ZNF658: variants seen among roughly 807,000 people sequenced by gnomAD.
The protein encoded by ZNF658 is zinc finger protein 658.
Under a neutral mutation model 78.0 loss-of-function variants are expected in ZNF658, and 46 were observed. That is an observed-to-expected ratio of 0.59 (90% CI 0.47 to 0.75). The LOEUF is 0.75. Among genes scored for constraint, ZNF658 ranks in the 30% least tolerant of loss-of-function variants. The pLI, the probability that ZNF658 is intolerant of heterozygous loss-of-function variation, is 0.00. For missense variants in ZNF658, 785 were observed against 1,189.3 expected (o/e 0.66, Z 5.00); for synonymous variants, 279 against 408.4 (o/e 0.68, Z 3.82).
downstream of ZNF658, among the ~76,000 whole-genome samples, chr9:66,923,823 G>A (rs1252216235): frequency 4.9e-5 from 7 of 143,194 alleles, no homozygotes; most frequent in Non-Finnish European, 1.1e-4. Flanking sequence ...TTTCCCACAA[G>A]AGACAGCTTT....
Position 66,918,997 on chromosome 9 carries a change from C to T in ZNF658, c.1431C>T (p.Tyr477=). ...PCDNNGCGRS[Y]KSPLIGHQKT... ...ATAACAATGGCTGTGGGAGATCTTA[C>T]AAGTCACCCCTCATAGGACACCAGA... Residue 477 remains tyrosine, a synonymous_variant, in exon 5 of 5, where the codon TAC becomes TAT. Coordinates refer to ENST00000621410, the MANE Select transcript of ZNF658 (RefSeq NM_033160.7). The T allele has an allele frequency of 2.6e-6, 3 of 1,143,586 alleles. No homozygotes were observed. The highest frequency in any genetic ancestry group is 3.7e-6 in the Non-Finnish European group (3 of 802,420). The allele number at this position is 1,143,586 out of a possible 1,614,324, so 70.8% of individuals were successfully genotyped here. A position where few individuals can be genotyped will look rare whatever the true frequency, so the allele number is the denominator to read the frequency against.
chr9:66,909,967 C>T (rs1490050889), intron 4 of ZNF658, among the ~76,000 whole-genome samples: 1 of 152,140 alleles, frequency 6.6e-6, no homozygotes, highest in Admixed American at 6.5e-5. Flanking sequence ...CACTTTCTTG[C>T]TGTGTGTTCA....
Position 66,919,492 on chromosome 9 carries a change from T to A in ZNF658, c.1926T>A (p.Ile642=). Residue 642 remains isoleucine (I), a synonymous_variant, in exon 5 of 5, where the codon ATT becomes ATA. Transcript: ENST00000621410. ...CNECGRSFAH[I]SVLKAHQRIH... is the part of the protein sequence containing the mutation. ...AATGTGGAAGGTCTTTTGCCCATAT[T>A]TCTGTTCTCAAGGCACATCAAAGAA... 1 of 1,597,052 alleles carries A rather than the reference T, an allele frequency of 6.3e-7. No homozygotes were observed. The highest frequency in any genetic ancestry group is 8.5e-7 in the Non-Finnish European group (1 of 1,172,618).
chr9:66,908,803 G>GT lies in ZNF658; in HGVS notation c.238+76dup, dbSNP rs201519046. The GT allele has an allele frequency of 1.8e-3, 2,229 of 1,236,564 alleles. 43 individuals are homozygous for GT. In the African/African-American group the frequency reaches 0.03, roughly 17 times the overall value. 76.6% of individuals were successfully genotyped at this position (1,236,564 alleles called of 1,614,324 possible). A position where few individuals can be genotyped will look rare whatever the true frequency, so the allele number is the denominator to read the frequency against. On this transcript the variant is annotated intron_variant, in intron 4 of 4. Transcript: ENST00000621410. ...CTTTAGAGGGAGAGCACCTTTGAAA[G>GT]TTTTTTTGGAACAGCTTTATTGAGA...
intron 6 of ZNF658, among the ~76,000 whole-genome samples, chr9:66,928,809 A>C (rs1822611639): frequency 6.7e-6 from 1 of 149,162 alleles, no homozygotes; most frequent in African/African-American, 2.5e-5. Flanking sequence ...TTTGATAGAG[A>C]GGAGTGGAAG....
intron 1 of ZNF658, chr9:66,902,790 T>C (rs1207803106): frequency 5.9e-5 from 9 of 152,338 alleles, no homozygotes; most frequent in Non-Finnish European, 1.0e-4. Context: ...ATTTTTTCCG[T>C]GGAAGTGCTA....
chr9:66,923,154 G>A (rs1223278619), downstream of ZNF658, among the ~76,000 whole-genome samples: 1 of 145,320 alleles, frequency 6.9e-6, no homozygotes, highest in Non-Finnish European at 1.5e-5. Flanking sequence ...TGTGGCTGAA[G>A]GCCCAAGAGC....
At chr9:66,907,396 A>G (rs1163492245) in intron 2 of ZNF658, among the ~76,000 whole-genome samples, 1 of 152,004 alleles carries the variant, frequency 6.6e-6, no homozygotes, top group Non-Finnish European at 1.5e-5. Flanking sequence ...TTATTTTGAA[A>G]TATACATTAC....
chr9:66,925,363 A>C (rs1822575831), downstream of ZNF658, among the ~76,000 whole-genome samples: 3 of 152,142 alleles, frequency 2.0e-5, no homozygotes, highest in South Asian at 6.2e-4. Context: ...AACATCAAAC[A>C]GTGTACTAAG....
intron 1 of ZNF658, among the ~76,000 whole-genome samples, chr9:66,901,393 A>G (rs1163378323): frequency 6.6e-6 from 1 of 152,056 alleles, no homozygotes; most frequent in East Asian, 1.9e-4. Flanking sequence ...CCTGAAACCC[A>G]GACTTGCCAG....
rs1406765281 is a variant in ZNF658, at chr9:66,919,035, A to G, written c.1469A>G (p.Glu490Gly). The change falls in exon 5 of 5, where the codon GAG becomes GGG. Residue 490 changes from glutamate (E) to glycine (G), a missense_variant. By Grantham distance (98) the Glu-to-Gly change is moderately conservative (BLOSUM62 -2). Transcript: ENST00000621410. The stretch of plus-strand genomic sequence containing the variant: ...ATAGGACACCAGAAAACAGATGCAG[A>G]GATGGAACTCTGTGGTGGCAGTGAA... ...PLIGHQKTDA[E>G]MELCGGSEYG... 1.3e-6 allele frequency: 1 copy of G among 784,404 alleles called. No individual in the cohort carries two copies. The highest frequency in any genetic ancestry group is 2.6e-5 in the East Asian group (1 of 37,830). The allele number at this position is 784,404 out of a possible 1,614,324, so 48.6% of individuals were successfully genotyped here. A position where few individuals can be genotyped will look rare whatever the true frequency, so the allele number is the denominator to read the frequency against.
At chr9:66,910,753 A>T (rs925819066) in intron 4 of ZNF658, among the ~76,000 whole-genome samples, 1 of 149,398 alleles carries the variant, frequency 6.7e-6, no homozygotes, top group African/African-American at 2.5e-5. Context: ...CCGAGATAGC[A>T]CCACTGCACT....
intron 4 of ZNF658, among the ~76,000 whole-genome samples, chr9:66,912,137 A>AG (rs1362995863): frequency 8.5e-6 from 1 of 117,782 alleles, no homozygotes; most frequent in East Asian, 2.1e-4. Context: ...CATCTCAAAA[A>AG]AAAAAAAAAA....
chr9:66,905,725 C>A (rs1587355143), intron 2 of ZNF658, among the ~76,000 whole-genome samples: 1 of 144,018 alleles, frequency 6.9e-6, no homozygotes, highest in East Asian at 2.0e-4. Context: ...TCTATTTGGT[C>A]CCTTTTTATA....
intron 2 of ZNF658, among the ~76,000 whole-genome samples, chr9:66,906,295 C>T (rs1247474747): frequency 6.6e-6 from 1 of 150,984 alleles, no homozygotes; most frequent in African/African-American, 2.5e-5. Context: ...TTAGGGCCTT[C>T]TCACATCTTT....
intron 2 of ZNF658, among the ~76,000 whole-genome samples, chr9:66,905,068 CTTTTTTTTTTTTTTT>C (rs1165611922): frequency 1.9e-4 from 6 of 31,762 alleles, no homozygotes; most frequent in African/African-American, 1.1e-3. Context: ...TTTTTCTTTT[CTTTTTTTTTTTTTTT>C]TTTTTTTTTT....
chr9:66,915,406 A>T (rs1564173101), intron 4 of ZNF658, among the ~76,000 whole-genome samples: 1 of 151,822 alleles, frequency 6.6e-6, no homozygotes, highest in Non-Finnish European at 1.5e-5. Context: ...TTAAAAAAAA[A>T]AAAAAGAGAG....
intron 4 of ZNF658, among the ~76,000 whole-genome samples, chr9:66,915,224 G>C (rs1564173050): frequency 6.6e-6 from 1 of 152,034 alleles, no homozygotes; most frequent in Non-Finnish European, 1.5e-5. Flanking sequence ...TTAATATGTT[G>C]TCGTAAATAT....
rs759315353 is a variant in ZNF658, at chr9:66,908,297, G to C, written c.75G>C (p.Leu25=). ...VEFTREEWQH[L]GPVERTLYRD... ...TCACCCGGGAGGAGTGGCAGCACCT[G>C]GGCCCTGTCGAGAGGACGCTGTACA... Residue 25 remains leucine, a synonymous_variant, in exon 3 of 5, where the codon CTG becomes CTC. Coordinates refer to ENST00000621410, the MANE Select transcript of ZNF658 (RefSeq NM_033160.7). 9 of 1,613,968 alleles carry C rather than the reference G, an allele frequency of 5.6e-6. No homozygotes were observed. The African/African-American group carries it at 1.2e-4, about 22-fold the overall frequency.
Sources: allele counts gnomAD v4.1 joint callset (sites outside exome capture counted in the v4.1 genomes callset), GRCh38; gene constraint gnomAD v4.1.1; transcripts MANE v1.5; gene names NCBI Gene and HGNC (gene_info 2026-07-23, HGNC 2026-07-21).